Variants in DSCAM observed in about 807,000 individuals in gnomAD.
DSCAM encodes DS cell adhesion molecule, also known as cell adhesion molecule DSCAM.
Under a neutral mutation model 217.7 loss-of-function variants are expected in DSCAM, and 47 were observed. The ratio of observed to expected loss-of-function variants is 0.22; its 90% CI spans 0.17 to 0.28. The LOEUF is 0.28. Among genes scored for constraint, DSCAM ranks in the 10% least tolerant of loss-of-function variants. DSCAM has a pLI of 1.00. For synonymous variants in DSCAM, 1,056 were observed against 1,015.3 expected (o/e 1.04, Z -0.76); for missense variants, 2,080 against 2,618.3 (o/e 0.79, Z 4.49).
intron 3 of DSCAM, among the ~76,000 whole-genome samples, chr21:40,515,433 T>C (rs538476642): frequency 9.8e-5 from 15 of 152,310 alleles, no homozygotes; most frequent in East Asian, 3.9e-4. Context: ...TGCTGAACAA[T>C]TGGAGAGTAA....
At chr21:40,557,026 C>T (rs1019026618) in intron 3 of DSCAM, among the ~76,000 whole-genome samples, 3 of 152,000 alleles carry the variant, frequency 2.0e-5, no homozygotes, top group Non-Finnish European at 4.4e-5. Flanking sequence ...GAGGCAGGCA[C>T]ACCCAGTGTA....
At chr21:40,381,030 T>C (rs1203334733) in intron 3 of DSCAM, among the ~76,000 whole-genome samples, 4 of 121,472 alleles carry the variant, frequency 3.3e-5, no homozygotes, top group African/African-American at 9.5e-5. Context: ...GCCACTGCAC[T>C]CCAGCCTGGG....
intron 3 of DSCAM, among the ~76,000 whole-genome samples, chr21:40,645,960 G>A (rs1448866407): frequency 1.3e-5 from 2 of 152,106 alleles, no homozygotes; most frequent in Non-Finnish European, 2.9e-5. Context: ...GAACCTTAGA[G>A]CCTTTAGCCT....
chr21:40,654,662 C>T (rs574692125), intron 3 of DSCAM, among the ~76,000 whole-genome samples: 2 of 152,248 alleles, frequency 1.3e-5, no homozygotes, highest in Non-Finnish European at 2.9e-5. Flanking sequence ...TTCATGGCTG[C>T]TTCCTCCATC....
At chr21:40,151,871 G>A (rs2090426129) in intron 16 of DSCAM, among the ~76,000 whole-genome samples, 1 of 152,190 alleles carries the variant, frequency 6.6e-6, no homozygotes, top group African/African-American at 2.4e-5. Flanking sequence ...GAGGGGTTGA[G>A]CTTCATTGCC....
intron 16 of DSCAM, among the ~76,000 whole-genome samples, chr21:40,148,433 T>C (rs2090383594): frequency 6.6e-6 from 1 of 152,182 alleles, no homozygotes; most frequent in African/African-American, 2.4e-5. Context: ...CAATTATGGC[T>C]ACGGCTGCAC....
intron 30 of DSCAM, among the ~76,000 whole-genome samples, chr21:40,051,495 G>A (rs995468253): frequency 6.6e-6 from 1 of 152,150 alleles, no homozygotes; most frequent in Non-Finnish European, 1.5e-5. Context: ...ACTTATGTGT[G>A]CAACTTTATA....
At chr21:40,029,919 AGTTTTGAAAT>A (rs2088484763) in intron 32 of DSCAM, among the ~76,000 whole-genome samples, 1 of 152,212 alleles carries the variant, frequency 6.6e-6, no homozygotes, top group African/African-American at 2.4e-5. Flanking sequence ...ACTAAAACTC[AGTTTTGAAAT>A]GTTTATCATA....
chr21:40,030,523 A>G (rs2088500928), intron 32 of DSCAM, among the ~76,000 whole-genome samples: 2 of 152,158 alleles, frequency 1.3e-5, no homozygotes, highest in African/African-American at 2.4e-5. Context: ...CTGAGCAAAG[A>G]TAAAGGCCAG....
Position 40,049,870 on chromosome 21 carries a change from T to C in DSCAM, c.5185+2088A>G, listed in dbSNP as rs1568913018. 3.3e-5 allele frequency among the ~76,000 whole-genome samples: 5 copies of C among 152,360 alleles called. 1 individual carries two copies. In the South Asian group the frequency reaches 1.0e-3, roughly 32 times the overall value. On this transcript the variant is annotated intron_variant, in intron 30 of 32. Coordinates refer to ENST00000400454, the MANE Select transcript of DSCAM (RefSeq NM_001389.5). ...TTCCCCATTATTCTGGGGCTGACCA[T>C]GAAGCTGGAAGGTTGCCAGTGCTTT... is the stretch of plus-strand genomic sequence containing the variant.
chr21:40,555,192 C>T (rs1195077193), intron 3 of DSCAM, among the ~76,000 whole-genome samples: 5 of 152,186 alleles, frequency 3.3e-5, no homozygotes, highest in Admixed American at 6.5e-5. Flanking sequence ...GGTCTCACAT[C>T]CATTACATGA....
At chr21:40,785,003 C>T (rs1393629894) in intron 1 of DSCAM, among the ~76,000 whole-genome samples, 1 of 152,120 alleles carries the variant, frequency 6.6e-6, no homozygotes, top group Non-Finnish European at 1.5e-5. Context: ...ACCATTTAGT[C>T]TTCTAATTCA....
At chr21:40,357,403 A>G (rs933535889) in intron 4 of DSCAM, among the ~76,000 whole-genome samples, 4 of 152,198 alleles carry the variant, frequency 2.6e-5, no homozygotes, top group African/African-American at 9.6e-5. Flanking sequence ...CATCCATGTT[A>G]CTGGAAGTAT....
intron 1 of DSCAM, among the ~76,000 whole-genome samples, chr21:40,730,003 A>G (rs1394834740): frequency 6.6e-6 from 1 of 152,178 alleles, no homozygotes; most frequent in African/African-American, 2.4e-5. Context: ...TTCATAACAG[A>G]CTGGAGTTGA....
At chr21:40,621,183 C>A (rs189767198) in intron 3 of DSCAM, 11 of 152,178 alleles carry the variant, frequency 7.2e-5, no homozygotes, top group African/African-American at 2.6e-4. Context: ...AGAAGAAATA[C>A]ACATTAAAAA....
chr21:40,165,230 G>T (rs1358315949), intron 16 of DSCAM, among the ~76,000 whole-genome samples: 1 of 152,124 alleles, frequency 6.6e-6, no homozygotes, highest in Non-Finnish European at 1.5e-5. Flanking sequence ...ATAAATAAAG[G>T]CATGTTATAT....
intron 6 of DSCAM, among the ~76,000 whole-genome samples, chr21:40,346,076 C>T (rs2074554820): frequency 6.6e-6 from 1 of 152,226 alleles, no homozygotes; most frequent in Admixed American, 6.5e-5. Flanking sequence ...TTCTTAGTTG[C>T]ACCAAATGGT....
intron 3 of DSCAM, among the ~76,000 whole-genome samples, chr21:40,586,249 C>T (rs536334897): frequency 2.6e-5 from 4 of 152,300 alleles, no homozygotes; most frequent in African/African-American, 7.2e-5. Flanking sequence ...GAAGCCCACA[C>T]CAAAAGCAGA....
intron 3 of DSCAM, among the ~76,000 whole-genome samples, chr21:40,543,126 T>C (rs748724935): frequency 7.9e-5 from 12 of 152,216 alleles, no homozygotes; most frequent in Non-Finnish European, 1.3e-4. Context: ...CAAAATATGT[T>C]TAAGTATTTA....
Sources: allele counts gnomAD v4.1 joint callset (sites outside exome capture counted in the v4.1 genomes callset), GRCh38; gene constraint gnomAD v4.1.1; transcripts MANE v1.5; gene names NCBI Gene and HGNC (gene_info 2026-07-23, HGNC 2026-07-21).